KCNQ5: variants seen among roughly 807,000 people sequenced by gnomAD.
KCNQ5 encodes potassium voltage-gated channel subfamily Q member 5.
In KCNQ5, 30 loss-of-function variants were observed where a neutral mutation model predicts 98.2. The observed-to-expected ratio is 0.31, with a 90% CI of 0.23 to 0.41. KCNQ5 has a LOEUF of 0.41. KCNQ5 is among the 10% of genes least tolerant of loss of function. The probability of loss-of-function intolerance (pLI) is 1.00; values close to 1 mark genes in which losing one functional copy is unlikely to be tolerated. For synonymous variants in KCNQ5, 458 were observed against 449.4 expected (o/e 1.02, Z -0.24); for missense variants, 835 against 1,182.5 (o/e 0.71, Z 4.31).
intron 5 of KCNQ5, among the ~76,000 whole-genome samples, chr6:73,103,016 A>G (rs1307743492): frequency 6.6e-6 from 1 of 152,218 alleles, no homozygotes; most frequent in Non-Finnish European, 1.5e-5. Context: ...TGTTTATTGC[A>G]GCACTATACA....
chr6:72,776,505 A>T (rs929441459), intron 1 of KCNQ5, among the ~76,000 whole-genome samples: 1 of 152,226 alleles, frequency 6.6e-6, no homozygotes, highest in South Asian at 2.1e-4. Context: ...ATTATGGACT[A>T]TTAAAAATTA....
At chr6:73,105,932 G>T (rs745617819) in intron 6 of KCNQ5, among the ~76,000 whole-genome samples, 5 of 152,030 alleles carry the variant, frequency 3.3e-5, no homozygotes, top group Non-Finnish European at 7.4e-5. Context: ...TTTCTCCTTA[G>T]TGAATGAAGC....
intron 11 of KCNQ5, among the ~76,000 whole-genome samples, chr6:73,180,566 A>G (rs1429167498): frequency 1.3e-5 from 2 of 152,296 alleles, no homozygotes; most frequent in African/African-American, 2.4e-5. Context: ...GCATGAGAGC[A>G]GGGATTGTTC....
At chr6:73,131,880 C>A (rs1017992077) in intron 9 of KCNQ5, among the ~76,000 whole-genome samples, 2 of 152,190 alleles carry the variant, frequency 1.3e-5, no homozygotes, top group Non-Finnish European at 2.9e-5. Context: ...TTTGCATGTG[C>A]CTTCAGCGAG....
chr6:72,678,295 CTT>C (rs1767521309), intron 1 of KCNQ5: 1 of 152,146 alleles, frequency 6.6e-6, no homozygotes, highest in Non-Finnish European at 1.5e-5. Flanking sequence ...ATATTAAACA[CTT>C]TAAGTGCATT....
At chr6:72,909,408 T>G (rs1462105263) in intron 1 of KCNQ5, among the ~76,000 whole-genome samples, 1 of 152,204 alleles carries the variant, frequency 6.6e-6, no homozygotes, top group African/African-American at 2.4e-5. Flanking sequence ...CCAAACTATT[T>G]TCTTGATCAA....
chr6:72,671,710 A>G (rs1767114826), intron 1 of KCNQ5, among the ~76,000 whole-genome samples: 1 of 152,246 alleles, frequency 6.6e-6, no homozygotes, highest in Non-Finnish European at 1.5e-5. Flanking sequence ...AACCTAGTTC[A>G]TGATAGCAGA....
Position 73,007,009 on chromosome 6 carries a change from G to A in KCNQ5, c.489+3011G>A, listed in dbSNP as rs556835682. ...CCTTGAGGGCACCAGCGTGTTAGGT[G>A]CAGGCCATCCCTTTAGACATCTCTT... On this transcript the variant is annotated intron_variant, in intron 2 of 13. Transcript: ENST00000370398. Among the ~76,000 whole-genome samples the A allele has an allele frequency of 1.2e-3, 188 of 152,162 alleles. 1 individual carries two copies. Among genetic ancestry groups the A allele is most frequent in the African/African-American group, 4.4e-3 (184 of 41,524 alleles).
chr6:72,997,297 T>C (rs1182589428), intron 1 of KCNQ5, among the ~76,000 whole-genome samples: 1 of 152,116 alleles, frequency 6.6e-6, no homozygotes, highest in Non-Finnish European at 1.5e-5. Context: ...GAGGGAAACC[T>C]CTTGAACTGT....
intron 1 of KCNQ5, among the ~76,000 whole-genome samples, chr6:72,929,842 T>C (rs1765611235): frequency 6.6e-6 from 1 of 152,160 alleles, no homozygotes; most frequent in African/African-American, 2.4e-5. Context: ...GCCCATTAGG[T>C]AGATATTTGT....
intron 5 of KCNQ5, among the ~76,000 whole-genome samples, chr6:73,087,991 A>G (rs1397518214): frequency 1.4e-5 from 2 of 143,934 alleles, no homozygotes; most frequent in South Asian, 2.2e-4. Context: ...CTCAATGCTC[A>G]TTGTCCTTGT....
chr6:73,067,555 G>A (rs570146260), intron 3 of KCNQ5, among the ~76,000 whole-genome samples: 1 of 152,244 alleles, frequency 6.6e-6, no homozygotes, highest in Admixed American at 6.5e-5. Context: ...AGAAAGGACA[G>A]AACTAGAAAT....
chr6:72,859,968 A>G (rs909408469), intron 1 of KCNQ5, among the ~76,000 whole-genome samples: 1 of 151,982 alleles, frequency 6.6e-6, no homozygotes, highest in African/African-American at 2.4e-5. Context: ...TCACCAAAAA[A>G]AAAAAAGCTT....
intron 1 of KCNQ5, among the ~76,000 whole-genome samples, chr6:72,631,346 G>A (rs1322513025): frequency 6.6e-6 from 1 of 152,258 alleles, no homozygotes; most frequent in African/African-American, 2.4e-5. Context: ...AAGATAAAGG[G>A]TAGGAGGTCA....
intron 1 of KCNQ5, among the ~76,000 whole-genome samples, chr6:72,692,069 T>C (rs1242670051): frequency 2.0e-5 from 3 of 152,230 alleles, no homozygotes; most frequent in African/African-American, 7.2e-5. Context: ...TTGCACTTAA[T>C]GTATTCATTG....
intron 1 of KCNQ5, among the ~76,000 whole-genome samples, chr6:72,977,126 T>A (rs1185823400): frequency 6.6e-6 from 1 of 152,208 alleles, no homozygotes; most frequent in Non-Finnish European, 1.5e-5. Flanking sequence ...CTCTTTGGTA[T>A]TTATTTATTT....
intron 1 of KCNQ5, among the ~76,000 whole-genome samples, chr6:72,700,608 A>G (rs1768754698): frequency 6.6e-6 from 1 of 152,208 alleles, no homozygotes; most frequent in South Asian, 2.1e-4. Context: ...TAAAGTTTAG[A>G]AATGACTTTT....
intron 1 of KCNQ5, among the ~76,000 whole-genome samples, chr6:72,852,006 A>G (rs570219492): frequency 3.3e-5 from 5 of 152,240 alleles, no homozygotes; most frequent in Middle Eastern, 3.4e-3. Flanking sequence ...ACATACACAT[A>G]CTATTAGTAG....
chr6:72,622,467 C>G lies in KCNQ5; in HGVS notation c.278C>G (p.Pro93Arg), dbSNP rs1419058658. ...GCCCGGATGAGCCTGCTGGGGAAGCCGCTCTCTTACACGAGTAGCCAGAGC... is the reference window on the plus strand; with the variant it reads ...GCCCGGATGAGCCTGCTGGGGAAGCGGCTCTCTTACACGAGTAGCCAGAGC... Reference protein sequence around the residue: ...QGARMSLLGKPLSYTSSQSCR... With the variant: ...QGARMSLLGKRLSYTSSQSCR... The change falls in exon 1 of 14, where the codon CCG becomes CGG. Residue 93 changes from proline (P) to arginine (R), a missense_variant. By Grantham distance (103) the Pro-to-Arg change is moderately radical. Around this residue, in one of 10 missense-constraint regions of KCNQ5, gnomAD observed 54 missense variants for 51.5 expected, o/e 1.05. Coordinates refer to ENST00000370398, the MANE Select transcript of KCNQ5 (RefSeq NM_019842.4). The surrounding 1 kb of genome is among the most constrained non-coding windows in gnomAD (Gnocchi z 6.0). 6.2e-7 allele frequency: 1 copy of G among 1,600,140 alleles called. No individual in the cohort carries two copies.
Sources: gnomAD v4.1 joint callset for allele counts (sites outside exome capture counted in the v4.1 genomes callset) on GRCh38, gnomAD v4.1.1 for gene constraint, gnomAD v4.1.1 regional missense constraint, Gnocchi (gnomAD v3.1) non-coding constraint, MANE v1.5 for transcripts, NCBI Gene and HGNC (gene_info 2026-07-23, HGNC 2026-07-21) for gene names.